Variants in ASTN2 observed in about 807,000 individuals in gnomAD.
ASTN2 encodes astrotactin-2.
Under a neutral mutation model 139.8 loss-of-function variants are expected in ASTN2, and 54 were observed. The observed-to-expected ratio is 0.39, with a 90% confidence interval of 0.31 to 0.48. The LOEUF is 0.48. Ranked by LOEUF, ASTN2 falls within the 20% of genes least tolerant of loss-of-function variation. ASTN2 has a pLI of 0.95. For missense variants in ASTN2, 1,565 were observed against 1,725.1 expected (o/e 0.91, Z 1.64); for synonymous variants, 756 against 719.5 (o/e 1.05, Z -0.81).
intron 19 of ASTN2, among the ~76,000 whole-genome samples, chr9:116,501,059 C>A (rs1019151844): frequency 5.3e-5 from 8 of 152,082 alleles, no homozygotes; most frequent in African/African-American, 1.7e-4. Flanking sequence ...TCAAAGCCTG[C>A]CATTAACTAA....
intron 13 of ASTN2, among the ~76,000 whole-genome samples, chr9:116,756,152 C>T (rs372426393): frequency 1.2e-4 from 18 of 152,168 alleles, no homozygotes; most frequent in South Asian, 4.1e-4. Context: ...TCCTCGTCCA[C>T]AGCCACCCAA....
intron 5 of ASTN2, among the ~76,000 whole-genome samples, chr9:117,049,594 C>T (rs576888062): frequency 6.6e-6 from 1 of 152,280 alleles, no homozygotes; most frequent in South Asian, 2.1e-4. Flanking sequence ...TCTCAACTAC[C>T]TTGTAAGGCA....
chr9:117,337,012 A>C (rs747863832), intron 1 of ASTN2, among the ~76,000 whole-genome samples: 1 of 152,196 alleles, frequency 6.6e-6, no homozygotes, highest in Non-Finnish European at 1.5e-5. Context: ...AAGTCACCTA[A>C]CATTACTTCT....
intron 3 of ASTN2, among the ~76,000 whole-genome samples, chr9:117,198,040 C>T (rs1246847134): frequency 6.6e-6 from 1 of 151,632 alleles, no homozygotes; most frequent in African/African-American, 2.4e-5. Context: ...TAAAATGTGC[C>T]TATGTAGTTT....
chr9:117,081,389 C>CCT (rs1479315147), intron 5 of ASTN2, among the ~76,000 whole-genome samples: 1 of 152,074 alleles, frequency 6.6e-6, no homozygotes, highest in Non-Finnish European at 1.5e-5. Context: ...CAGTCTACAC[C>CCT]CTCTCCTACA....
intron 16 of ASTN2, among the ~76,000 whole-genome samples, chr9:116,658,625 C>A (rs574766072): frequency 6.6e-6 from 1 of 152,152 alleles, no homozygotes; most frequent in East Asian, 1.9e-4. Flanking sequence ...CCTGAACAAG[C>A]CCCCCAAGAC....
At chr9:116,453,333 C>T (rs112414839) in intron 20 of ASTN2, among the ~76,000 whole-genome samples, 134 of 152,224 alleles carry the variant, frequency 8.8e-4, no homozygotes, top group African/African-American at 3.1e-3. Flanking sequence ...GTGGCTCACG[C>T]CTGTAATCCT....
At chr9:116,993,458 T>TCACACACACACA (rs139297526) in intron 7 of ASTN2, among the ~76,000 whole-genome samples, 2 of 148,224 alleles carry the variant, frequency 1.3e-5, no homozygotes, top group African/African-American at 4.9e-5. Flanking sequence ...TCTACAGGCT[T>TCACACACACACA]CACACACACA....
chr9:117,293,115 C>A (rs952886627), intron 1 of ASTN2, among the ~76,000 whole-genome samples: 12 of 151,946 alleles, frequency 7.9e-5, no homozygotes, highest in African/African-American at 2.9e-4. Flanking sequence ...AAACAACAAA[C>A]AAACCATGAG....
intron 5 of ASTN2, among the ~76,000 whole-genome samples, chr9:117,091,688 T>G (rs1587953444): frequency 3.4e-5 from 5 of 146,608 alleles, no homozygotes; most frequent in East Asian, 4.0e-4. Context: ...GGGGGAGAGG[T>G]GGAGTGGGGA....
intron 11 of ASTN2, among the ~76,000 whole-genome samples, chr9:116,839,883 T>TATTA (rs1554753098): frequency 0.046 from 4,495 of 97,784 alleles, 95 homozygotes; most frequent in East Asian, 0.083. Context: ...TTATTATTAT[T>TATTA]TTTTTTTTTT....
chr9:116,661,459 T>C (rs991080973), intron 16 of ASTN2, among the ~76,000 whole-genome samples: 6 of 152,136 alleles, frequency 3.9e-5, no homozygotes, highest in Admixed American at 2.6e-4. Context: ...GTGCCAGGTT[T>C]ACAGCTAGGC....
intron 19 of ASTN2, chr9:116,582,223 A>T (rs2131713920): frequency 6.6e-6 from 1 of 152,320 alleles, no homozygotes; most frequent in Admixed American, 6.5e-5. Context: ...TTCTTGCTAT[A>T]CAATGAAGGG....
intron 2 of ASTN2, among the ~76,000 whole-genome samples, chr9:117,263,098 T>C (rs1833862657): frequency 6.6e-6 from 1 of 152,204 alleles, no homozygotes; most frequent in African/African-American, 2.4e-5. Flanking sequence ...TTTGTAAAAC[T>C]TTACAGCAAT....
intron 6 of ASTN2, among the ~76,000 whole-genome samples, chr9:117,025,061 C>T (rs115662269): frequency 6.6e-6 from 1 of 152,062 alleles, no homozygotes; most frequent in Non-Finnish European, 1.5e-5. Flanking sequence ...AAACCTCCTT[C>T]CTCTAGGATT....
chr9:116,931,647 A>G (rs1009009892), intron 10 of ASTN2, among the ~76,000 whole-genome samples: 1 of 152,204 alleles, frequency 6.6e-6, no homozygotes, highest in Non-Finnish European at 1.5e-5. Flanking sequence ...AGGAGCTAAG[A>G]TATCATAGGT....
intron 3 of ASTN2, chr9:117,180,675 T>C (rs1831039640): frequency 3.8e-6 from 6 of 1,580,308 alleles, no homozygotes; most frequent in African/African-American, 1.4e-5. Flanking sequence ...TGGTGAGTAT[T>C]AAGAGGGGGC....
intron 4 of ASTN2, among the ~76,000 whole-genome samples, chr9:117,110,005 G>T (rs1476990477): frequency 6.6e-6 from 1 of 151,904 alleles, no homozygotes; most frequent in Non-Finnish European, 1.5e-5. Flanking sequence ...TCTGAAATAC[G>T]CCTATTTCAC....
intron 11 of ASTN2, among the ~76,000 whole-genome samples, chr9:116,829,921 A>G (rs2900136): frequency 0.84 from 128,317 of 152,226 alleles, 54,277 homozygotes; most frequent in East Asian, 0.95. Context: ...AAAAATCCTA[A>G]AAGAAAACCT....
Sources: allele counts gnomAD v4.1 joint callset (sites outside exome capture counted in the v4.1 genomes callset), GRCh38; gene constraint gnomAD v4.1.1; transcripts MANE v1.5; gene names NCBI Gene and HGNC (gene_info 2026-07-23, HGNC 2026-07-21).